Variants in DNER observed in about 807,000 individuals in gnomAD.
The protein encoded by DNER is delta and Notch-like epidermal growth factor-related receptor.
A neutral mutation model predicts 78.2 loss-of-function variants in DNER; 33 were observed. That is an observed-to-expected ratio of 0.42 (90% CI 0.32 to 0.56). DNER has a LOEUF of 0.56. DNER is among the 20% of genes least tolerant of loss of function. DNER has a pLI of 0.11. For synonymous variants in DNER, 417 were observed against 384.8 expected, an observed-to-expected ratio of 1.08 and a Z score of -0.98; for missense variants, 918 against 975.3, an observed-to-expected ratio of 0.94 and a Z score of 0.78.
In DNER at chr2:229,366,886, T is replaced by C; in HGVS notation, c.2089A>G (p.Ile697Val). The change falls in exon 12 of 13, where the codon ATC becomes GTC. Residue 697 changes from isoleucine to valine, a missense_variant. Physicochemically the swap from Ile to Val is conservative, Grantham distance 29 (BLOSUM62 3). Transcript: ENST00000341772. ...DSEFSNAIAS[I>V]RHARFGKKSR... The stretch of plus-strand genomic sequence containing the variant: ...CCCACAGCCAACCTGGCATGCCGGA[T>C]GGATGCAATGGCATTGCTGAACTCG... 1.2e-6 allele frequency: 2 copies of C among 1,614,142 alleles called. No homozygotes were observed. Among genetic ancestry groups the C allele is most frequent in the Middle Eastern group, 1.7e-4 (1 of 6,042 alleles).
chr2:229,692,972 A>G (rs1699605769), intron 1 of DNER, among the ~76,000 whole-genome samples: 1 of 152,094 alleles, frequency 6.6e-6, no homozygotes, highest in Admixed American at 6.6e-5. Flanking sequence ...ATGCACTGCT[A>G]TATGTCTTGG....
chr2:229,503,802 C>T (rs947424045), intron 6 of DNER, among the ~76,000 whole-genome samples: 1 of 152,190 alleles, frequency 6.6e-6, no homozygotes, highest in Non-Finnish European at 1.5e-5. Context: ...AATATAGTAG[C>T]ACTACCTCAG....
At chr2:229,691,724 A>T (rs1699575312) in intron 1 of DNER, among the ~76,000 whole-genome samples, 1 of 152,112 alleles carries the variant, frequency 6.6e-6, no homozygotes, top group Non-Finnish European at 1.5e-5. Context: ...GTCAGAAAGC[A>T]AAACAATTGG....
At chr2:229,484,831 A>T (rs1253407814) in intron 6 of DNER, among the ~76,000 whole-genome samples, 1 of 152,274 alleles carries the variant, frequency 6.6e-6, no homozygotes, top group Admixed American at 6.5e-5. Flanking sequence ...TCAGACTATA[A>T]ACCTTTGTTT....
intron 4 of DNER, among the ~76,000 whole-genome samples, chr2:229,552,031 G>A (rs1333354006): frequency 6.6e-6 from 1 of 152,154 alleles, no homozygotes; most frequent in East Asian, 1.9e-4. Context: ...AGACGTGTGT[G>A]GAATACATAT....
At chr2:229,491,263 T>C (rs977789793) in intron 6 of DNER, among the ~76,000 whole-genome samples, 5 of 152,168 alleles carry the variant, frequency 3.3e-5, no homozygotes, top group Non-Finnish European at 5.9e-5. Context: ...ACTAGGAAAT[T>C]TACGAGGTGC....
intron 6 of DNER, among the ~76,000 whole-genome samples, chr2:229,492,219 G>A (rs779548015): frequency 5.0e-4 from 76 of 152,166 alleles, no homozygotes; most frequent in Non-Finnish European, 8.5e-4. Context: ...TTATGTTAAA[G>A]ATGAGGAAAC....
At chr2:229,525,426 A>G (rs1279831390) in intron 5 of DNER, among the ~76,000 whole-genome samples, 1 of 152,168 alleles carries the variant, frequency 6.6e-6, no homozygotes, top group Non-Finnish European at 1.5e-5. Context: ...TTTACAGCCC[A>G]TTGTTTTCCT....
intron 11 of DNER, among the ~76,000 whole-genome samples, chr2:229,379,242 G>GA (rs1339845741): frequency 2.6e-5 from 4 of 152,064 alleles, no homozygotes; most frequent in East Asian, 1.9e-4. Context: ...TAGTAGTACA[G>GA]AAAAAATAAA....
chr2:229,637,772 CT>C (rs1698553148), intron 1 of DNER, among the ~76,000 whole-genome samples: 1 of 152,190 alleles, frequency 6.6e-6, no homozygotes, highest in Admixed American at 6.5e-5. Flanking sequence ...ATATTTACCA[CT>C]GCTCTAAGGA....
At chr2:229,695,375 C>T (rs1315184516) in intron 1 of DNER, among the ~76,000 whole-genome samples, 1 of 151,242 alleles carries the variant, frequency 6.6e-6, no homozygotes, top group African/African-American at 2.5e-5. Context: ...ATGTAAGTAA[C>T]TGAACACTTA....
At position 229,625,186 on chromosome 2, in the gene DNER, C is replaced by A. The variant is rs193105608; in HGVS notation, c.277-33298G>T. On this transcript the variant is annotated intron_variant, in intron 1 of 12. Coordinates refer to ENST00000341772, the MANE Select transcript of DNER (RefSeq NM_139072.4). The stretch of plus-strand genomic sequence containing the variant: ...TCACATAAAGCAAATTCAGAAAAAT[C>A]TGCTTCCTCAGTGTAGCTCTCTTGT... 2.9e-3 allele frequency among the ~76,000 whole-genome samples: 447 copies of A among 152,256 alleles called. 1 individual carries two copies. Among genetic ancestry groups the A allele is most frequent in the African/African-American group, 1.0e-2 (414 of 41,550 alleles).
chr2:229,561,998 T>C (rs547755598), intron 4 of DNER, among the ~76,000 whole-genome samples: 7 of 152,304 alleles, frequency 4.6e-5, no homozygotes, highest in Admixed American at 2.0e-4. Context: ...ACAGCCAGTT[T>C]GCATCCAGAG....
chr2:229,483,887 CAGA>C (rs1695218108), intron 6 of DNER, among the ~76,000 whole-genome samples: 2 of 152,226 alleles, frequency 1.3e-5, no homozygotes, highest in South Asian at 4.1e-4. Context: ...CCTCCCCACC[CAGA>C]AGGTGACCCA....
chr2:229,535,982 G>C (rs1282963705), intron 5 of DNER, among the ~76,000 whole-genome samples: 1 of 152,178 alleles, frequency 6.6e-6, no homozygotes, highest in African/African-American at 2.4e-5. Flanking sequence ...TTCAAAGAAG[G>C]AATGGAGCAA....
intron 1 of DNER, among the ~76,000 whole-genome samples, chr2:229,713,540 T>C (rs1418779118): frequency 6.6e-6 from 1 of 152,166 alleles, no homozygotes; most frequent in Non-Finnish European, 1.5e-5. Flanking sequence ...GTTCCAACAC[T>C]GCTCCTAAGC....
chr2:229,710,909 C>A (rs559149219), intron 1 of DNER, among the ~76,000 whole-genome samples: 1 of 151,792 alleles, frequency 6.6e-6, no homozygotes, highest in South Asian at 2.1e-4. Context: ...GTGTGAACAT[C>A]CCACAGAGAC....
At chr2:229,404,197 G>C (rs560072090) in intron 10 of DNER, among the ~76,000 whole-genome samples, 9 of 152,190 alleles carry the variant, frequency 5.9e-5, no homozygotes, top group African/African-American at 1.9e-4. Flanking sequence ...GAGGGAAAAA[G>C]AGGAAGGTAT....
At chr2:229,600,841 T>C (rs989988316) in intron 1 of DNER, among the ~76,000 whole-genome samples, 3 of 152,066 alleles carry the variant, frequency 2.0e-5, no homozygotes, top group African/African-American at 7.2e-5. Context: ...AGACGATGGA[T>C]GGGGAAAGGT....
Sources: gnomAD v4.1 joint callset for allele counts (sites outside exome capture counted in the v4.1 genomes callset) on GRCh38, gnomAD v4.1.1 for gene constraint, MANE v1.5 for transcripts, NCBI Gene and HGNC (gene_info 2026-07-23, HGNC 2026-07-21) for gene names.